The following SKAP2 variants were observed in gnomAD, a reference collection of about 807,000 sequenced individuals.
SKAP2 encodes src kinase-associated phosphoprotein 2.
A neutral mutation model predicts 54.9 loss-of-function variants in SKAP2; 28 were observed. The observed-to-expected ratio is 0.51, with a 90% confidence interval of 0.38 to 0.70. The LOEUF is 0.70. Ranked by LOEUF, SKAP2 falls within the 30% of genes least tolerant of loss-of-function variation. The pLI, the probability that SKAP2 is intolerant of heterozygous loss-of-function variation, is 0.00. For synonymous variants in SKAP2, 137 were observed against 134.3 expected, an observed-to-expected ratio of 1.02 and a Z score of -0.14; for missense variants, 356 against 424.1, an observed-to-expected ratio of 0.84 and a Z score of 1.41.
intron 4 of SKAP2, among the ~76,000 whole-genome samples, chr7:26,829,106 GT>G (rs1200389971): frequency 6.6e-6 from 1 of 152,130 alleles, no homozygotes; most frequent in Non-Finnish European, 1.5e-5. Context: ...CAAAACTTTT[GT>G]GCTTCAAGGA....
intron 3 of SKAP2, among the ~76,000 whole-genome samples, chr7:26,852,461 C>T (rs1387400955): frequency 1.3e-5 from 2 of 152,110 alleles, no homozygotes; most frequent in Non-Finnish European, 2.9e-5. Flanking sequence ...TCTGAACAGG[C>T]ACTCTTTGTG....
intron 4 of SKAP2, among the ~76,000 whole-genome samples, chr7:26,754,297 G>A (rs2127967787): frequency 6.6e-6 from 1 of 151,246 alleles, no homozygotes; most frequent in Middle Eastern, 3.4e-3. Context: ...ACAGGAGGCA[G>A]ACGTTGCAGC....
Position 26,725,457 on chromosome 7 carries a change from A to T in SKAP2, c.767T>A (p.Ile256Lys), listed in dbSNP as rs775760577. ...ISNPLTSSQP[I>K]DDEIYEELPE... ...AAGTTCTTCATAAATTTCATCATCT[A>T]TTGGTTGACTGCTTGTTAGTGGATT... Residue 256 changes from isoleucine to lysine, a missense_variant, in exon 9 of 13, where the codon ATA (isoleucine) becomes AAA (lysine). Coordinates refer to ENST00000345317, the MANE Select transcript of SKAP2 (RefSeq NM_003930.5). 18 of 1,611,448 alleles carry T rather than the reference A, an allele frequency of 1.1e-5. No individual in the cohort carries two copies. The highest frequency in any genetic ancestry group is 1.5e-5 in the Non-Finnish European group (18 of 1,179,130).
At chr7:26,852,264 A>G (rs1785060742) in intron 3 of SKAP2, among the ~76,000 whole-genome samples, 1 of 152,228 alleles carries the variant, frequency 6.6e-6, no homozygotes. Flanking sequence ...CCTATTTTTA[A>G]AAAAGATGTA....
Position 26,726,743 on chromosome 7 carries a change from A to C in SKAP2, c.594+139T>G, listed in dbSNP as rs1023028203. 3 of 650,438 alleles carry C rather than the reference A, an allele frequency of 4.6e-6. No individual in the cohort carries two copies. The African/African-American group carries it at 5.7e-5, about 12-fold the overall frequency. The allele number at this position is 650,438 out of a possible 1,614,324, so 40.3% of individuals were successfully genotyped here. A position where few individuals can be genotyped will look rare whatever the true frequency, so the allele number is the denominator to read the frequency against. On this transcript the variant is annotated intron_variant, in intron 7 of 12. Coordinates refer to ENST00000345317, the MANE Select transcript of SKAP2 (RefSeq NM_003930.5). ...AAAATTTCCTCTTATATGAATGTTC[A>C]ATGCATAATATATTTAAACATCAGT...
At position 26,717,509 on chromosome 7, in the gene SKAP2, C is replaced by CAAAAAAAAAAAAAAAAAAAAAAAA. The variant is rs58826714; in HGVS notation, c.796+7895_796+7918dup. ...TGGGTGACAGAGCAAGACCCCATCT[C>CAAAAAAAAAAAAAAAAAAAAAAAA]AAAAAAAAAAAAAAAAAAAAAAAAA... On this transcript the variant is annotated intron_variant, in intron 9 of 12. Transcript: ENST00000345317. Among the ~76,000 whole-genome samples, 7 of 23,132 alleles carry CAAAAAAAAAAAAAAAAAAAAAAAA rather than the reference C, an allele frequency of 3.0e-4. 1 individual carries two copies. Among genetic ancestry groups the CAAAAAAAAAAAAAAAAAAAAAAAA allele is most frequent in the Non-Finnish European group, 5.2e-4 (5 of 9,594 alleles). The allele number at this position is 23,132 out of a possible 152,430, so 15.2% of individuals were successfully genotyped here.
intron 4 of SKAP2, among the ~76,000 whole-genome samples, chr7:26,843,393 T>A (rs1437122590): frequency 6.6e-6 from 1 of 152,024 alleles, no homozygotes; most frequent in Non-Finnish European, 1.5e-5. Context: ...AGAAAGTACA[T>A]ACTACACTAA....
At chr7:26,805,213 G>T (rs1473672708) in intron 4 of SKAP2, among the ~76,000 whole-genome samples, 2 of 152,122 alleles carry the variant, frequency 1.3e-5, no homozygotes, top group Admixed American at 1.3e-4. Context: ...TTTTTAATCA[G>T]ATTATGAAAC....
intron 6 of SKAP2, among the ~76,000 whole-genome samples, chr7:26,736,474 C>T (rs1787946053): frequency 6.6e-6 from 1 of 152,170 alleles, no homozygotes; most frequent in Non-Finnish European, 1.5e-5. Flanking sequence ...TTGCCAACCC[C>T]AGTTCAGGAA....
At chr7:26,838,010 G>A (rs1193851630) in intron 4 of SKAP2, among the ~76,000 whole-genome samples, 1 of 152,046 alleles carries the variant, frequency 6.6e-6, no homozygotes, top group Admixed American at 6.5e-5. Context: ...CTCTATTTTA[G>A]GTTTCCTCAT....
intron 4 of SKAP2, among the ~76,000 whole-genome samples, chr7:26,781,297 G>T (rs1280305634): frequency 6.6e-6 from 1 of 151,922 alleles, no homozygotes; most frequent in Non-Finnish European, 1.5e-5. Flanking sequence ...AATCTTTTGT[G>T]GGGTTTTTCC....
At chr7:26,666,264 T>G (rs1786104193), downstream of SKAP2, among the ~76,000 whole-genome samples, 2 of 152,200 alleles carry the variant, frequency 1.3e-5, no homozygotes, top group African/African-American at 4.8e-5. Context: ...TCAGTCTCAC[T>G]GATGAAGTTC....
At chr7:26,700,956 A>G (rs1052348392) in intron 9 of SKAP2, among the ~76,000 whole-genome samples, 1 of 152,216 alleles carries the variant, frequency 6.6e-6, no homozygotes, top group Non-Finnish European at 1.5e-5. Context: ...AGTCCTACTT[A>G]TCTTTAAAGC....
chr7:26,832,537 A>G (rs557421151), intron 4 of SKAP2, among the ~76,000 whole-genome samples: 1 of 152,312 alleles, frequency 6.6e-6, no homozygotes, highest in South Asian at 2.1e-4. Context: ...TAAAGAATAA[A>G]GCCTTGAGCC....
At chr7:26,797,125 G>C (rs1253164051) in intron 4 of SKAP2, among the ~76,000 whole-genome samples, 1 of 152,194 alleles carries the variant, frequency 6.6e-6, no homozygotes, top group Non-Finnish European at 1.5e-5. Flanking sequence ...CGGGGATTAG[G>C]GGACCTCGCT....
intron 4 of SKAP2, among the ~76,000 whole-genome samples, chr7:26,822,734 T>C (rs576135251): frequency 8.1e-5 from 12 of 148,550 alleles, no homozygotes; most frequent in African/African-American, 2.5e-4. Flanking sequence ...AAAAAAAAAA[T>C]TAGCCAGGCG....
At chr7:26,785,067 T>C (rs1783512797) in intron 4 of SKAP2, among the ~76,000 whole-genome samples, 1 of 152,166 alleles carries the variant, frequency 6.6e-6, no homozygotes, top group Non-Finnish European at 1.5e-5. Context: ...TGAACTGTCA[T>C]TTTTTTGCTC....
chr7:26,735,584 C>T (rs948211175), intron 6 of SKAP2, among the ~76,000 whole-genome samples: 7 of 152,134 alleles, frequency 4.6e-5, no homozygotes, highest in African/African-American at 1.4e-4. Flanking sequence ...CAAACAGTAA[C>T]AAAGCACAGT....
At chr7:26,859,146 T>G (rs1785233032) in intron 1 of SKAP2, among the ~76,000 whole-genome samples, 1 of 152,096 alleles carries the variant, frequency 6.6e-6, no homozygotes, top group African/African-American at 2.4e-5. Context: ...CCTTTCTAAC[T>G]TAATTCCACA....
Sources: allele counts gnomAD v4.1 joint callset (sites outside exome capture counted in the v4.1 genomes callset), GRCh38; gene constraint gnomAD v4.1.1; transcripts MANE v1.5; gene names NCBI Gene and HGNC (gene_info 2026-07-23, HGNC 2026-07-21).